The following LIFR variants were observed in gnomAD, a reference collection of about 807,000 sequenced individuals.
LIFR encodes LIF receptor subunit alpha.
In LIFR, 84 loss-of-function variants were observed where a neutral mutation model predicts 122.2. That is an observed-to-expected ratio of 0.69 (90% CI 0.58 to 0.82). The LOEUF (loss-of-function observed/expected upper bound fraction) is 0.82. LIFR is among the 40% of genes least tolerant of loss of function. The pLI is 0.00. For synonymous variants in LIFR, 422 were observed against 434.7 expected (o/e 0.97, Z 0.36); for missense variants, 1,294 against 1,311.6 (o/e 0.99, Z 0.21).
intron 1 of LIFR, chr5:38,550,254 GC>G: frequency 1.0e-6 from 1 of 975,182 alleles, no homozygotes; most frequent in Non-Finnish European, 1.2e-6. Flanking sequence ...TCCCCATATG[GC>G]CATAAATTTT....
chr5:38,590,229 C>T (rs1373801494), intron 1 of LIFR, among the ~76,000 whole-genome samples: 2 of 152,168 alleles, frequency 1.3e-5, no homozygotes, highest in Admixed American at 1.3e-4. Flanking sequence ...GAGACAGATC[C>T]TCTGGGGAGG....
At chr5:38,556,676 G>T (rs896028952), upstream of LIFR, 1 of 145,782 alleles carries the variant, frequency 6.9e-6, no homozygotes, top group African/African-American at 2.5e-5. Flanking sequence ...CCTGCACGCC[G>T]CTCGGCTGGG....
At chr5:38,539,619 T>A (rs1351424484) in intron 1 of LIFR, among the ~76,000 whole-genome samples, 1 of 152,136 alleles carries the variant, frequency 6.6e-6, no homozygotes, top group Non-Finnish European at 1.5e-5. Context: ...CTGTTTGCTA[T>A]ACAAAAATTC....
At chr5:38,529,813 GA>G (rs1746904585) in intron 2 of LIFR, among the ~76,000 whole-genome samples, 2 of 152,008 alleles carry the variant, frequency 1.3e-5, no homozygotes, top group Non-Finnish European at 2.9e-5. Flanking sequence ...CTATTTATAT[GA>G]CAGAAAAACA....
chr5:38,581,247 C>G (rs942184042), intron 1 of LIFR, among the ~76,000 whole-genome samples: 1 of 152,140 alleles, frequency 6.6e-6, no homozygotes, highest in Non-Finnish European at 1.5e-5. Flanking sequence ...TCAGGTCACT[C>G]CTTAGCTTCT....
intron 9 of LIFR, 58 bp from the exon 10 acceptor site, chr5:38,504,179 A>C (rs527883013): frequency 1.3e-5 from 15 of 1,168,902 alleles, no homozygotes; most frequent in South Asian, 1.1e-4. Flanking sequence ...CTATCTTCTA[A>C]TATGACAAAT....
chr5:38,577,407 C>T (rs1749423339), intron 1 of LIFR, among the ~76,000 whole-genome samples: 1 of 152,200 alleles, frequency 6.6e-6, no homozygotes, highest in Admixed American at 6.5e-5. Flanking sequence ...TTTACCACAC[C>T]TGGGCAAATC....
intron 1 of LIFR, among the ~76,000 whole-genome samples, chr5:38,577,428 C>T (rs1749423904): frequency 6.6e-6 from 1 of 152,162 alleles, no homozygotes; most frequent in Non-Finnish European, 1.5e-5. Context: ...TCCCCGGTGC[C>T]AGTCATCTGC....
At chr5:38,589,059 G>A (rs914931498) in intron 1 of LIFR, among the ~76,000 whole-genome samples, 10 of 149,418 alleles carry the variant, frequency 6.7e-5, no homozygotes, top group East Asian at 2.0e-4. Flanking sequence ...GTGCAGTGGC[G>A]CGATCTTGGC....
intron 12 of LIFR, among the ~76,000 whole-genome samples, chr5:38,497,935 G>A (rs1315390773): frequency 6.6e-6 from 1 of 151,920 alleles, no homozygotes; most frequent in Non-Finnish European, 1.5e-5. Flanking sequence ...GAACTTTTTT[G>A]TGCCACTTTT....
At chr5:38,553,645 TA>T (rs1351984669) in intron 1 of LIFR, among the ~76,000 whole-genome samples, 3 of 94,754 alleles carry the variant, frequency 3.2e-5, no homozygotes, top group South Asian at 6.3e-4. Flanking sequence ...TATATATATA[TA>T]TATATATATA....
chr5:38,531,982 T>C (rs962287640), intron 1 of LIFR, among the ~76,000 whole-genome samples: 3 of 152,212 alleles, frequency 2.0e-5, no homozygotes, highest in African/African-American at 7.2e-5. Flanking sequence ...TGAGTTTACT[T>C]AGTAGAATGA....
At position 38,571,954 on chromosome 5, in the gene LIFR, T is replaced by C. The variant is rs114135546; in HGVS notation, c.-20+23307A>G. Among the ~76,000 whole-genome samples, 294 of 152,338 alleles carry C rather than the reference T, an allele frequency of 1.9e-3. 2 individuals carry two copies. Among genetic ancestry groups the C allele is most frequent in the Non-Finnish European group, 3.1e-3 (211 of 68,022 alleles). The stretch of plus-strand genomic sequence containing the variant: ...AAACCGAAGGTCAATTTTGTAAGTT[T>C]CTGTGGTTCATCATCCATTAGGTAT... On this transcript the variant is annotated intron_variant, in intron 1 of 19. Transcript: ENST00000263409.
chr5:38,509,659 C>T (rs1745688933), intron 7 of LIFR, among the ~76,000 whole-genome samples: 1 of 152,100 alleles, frequency 6.6e-6, no homozygotes, highest in Non-Finnish European at 1.5e-5. Context: ...ACCTTTAGAC[C>T]AAAATCCCAG....
chr5:38,480,269 TC>T lies in LIFR; in HGVS notation c.*1325del, dbSNP rs1246533298. 67 of 227,420 alleles carry T rather than the reference TC, an allele frequency of 2.9e-4. No homozygotes were observed. The highest frequency in any genetic ancestry group is 1.5e-3 in the African/African-American group (66 of 45,122). The allele number at this position is 227,420 out of a possible 1,614,324, so 14.1% of individuals were successfully genotyped here. ...CAAGATACACTTTTTAGTTTTTCCT[TC>T]TGCTTTTCCAAGAACCACAATCACT... On this transcript the variant is annotated 3_prime_UTR_variant, in exon 20 of 20. Coordinates refer to ENST00000453190, the MANE Select transcript of LIFR (RefSeq NM_001127671.2).
chr5:38,599,668 A>C (rs1450346667), upstream of LIFR, among the ~76,000 whole-genome samples: 7 of 152,178 alleles, frequency 4.6e-5, no homozygotes, highest in Non-Finnish European at 8.8e-5. Context: ...TTATCTTCTC[A>C]ATTAGTTTAC....
At chr5:38,550,522 A>G (rs2112650008) in intron 1 of LIFR, among the ~76,000 whole-genome samples, 1 of 152,354 alleles carries the variant, frequency 6.6e-6, no homozygotes, top group African/African-American at 2.4e-5. Context: ...TTTTAATAGC[A>G]ACATGCTCTA....
Position 38,542,149 on chromosome 5 carries a change from C to T in LIFR, c.-19-11483G>A, listed in dbSNP as rs144745004. ...CTGCCCAAGTCATCATAAATTCTTG[C>T]TCAATGTAAATCTTACTCTAGTAAA... On this transcript the variant is annotated intron_variant, in intron 1 of 19. Coordinates refer to ENST00000453190, the MANE Select transcript of LIFR (RefSeq NM_001127671.2). Among the ~76,000 whole-genome samples the T allele has an allele frequency of 2.9e-3, 438 of 152,268 alleles. 7 individuals carry two copies. Among genetic ancestry groups the T allele is most frequent in the Admixed American group, 0.027 (407 of 15,294 alleles).
At position 38,479,610 on chromosome 5, in the gene LIFR, T is replaced by A. The variant is rs937148133; in HGVS notation, c.*1985A>T. On this transcript the variant is annotated 3_prime_UTR_variant, in exon 20 of 20. Coordinates refer to ENST00000453190, the MANE Select transcript of LIFR (RefSeq NM_001127671.2). ...TAAACTTTTACTGTAGCCACACTTA[T>A]CCTTGTCCTGGAGAGATAAAGTACG... 1 of 230,354 alleles carries A rather than the reference T, an allele frequency of 4.3e-6. No homozygotes were observed. The highest frequency in any genetic ancestry group is 2.2e-5 in the African/African-American group (1 of 45,184). The allele number at this position is 230,354 out of a possible 1,614,324, so 14.3% of individuals were successfully genotyped here.
Sources: allele counts gnomAD v4.1 joint callset (sites outside exome capture counted in the v4.1 genomes callset), GRCh38; gene constraint gnomAD v4.1.1; transcripts MANE v1.5; gene names NCBI Gene and HGNC (gene_info 2026-07-23, HGNC 2026-07-21).